LY75: variants seen among roughly 807,000 people sequenced by gnomAD.
LY75 encodes the protein C-type lectin domain family 13 member B.
In LY75, 185 loss-of-function variants were observed where a neutral mutation model predicts 231.7. The ratio of observed to expected loss-of-function variants is 0.80; its 90% confidence interval spans 0.71 to 0.90. The LOEUF is 0.90. Ranked by LOEUF, LY75 falls within the 40% of genes least tolerant of loss-of-function variation. The pLI is 0.00. For missense variants in LY75, 1,947 were observed against 2,050.2 expected (o/e 0.95, Z 0.97); for synonymous variants, 668 against 689.0 (o/e 0.97, Z 0.48).
Position 159,882,054 on chromosome 2 carries a change from A to G in LY75, c.1246+70T>C, listed in dbSNP as rs567093433. On this transcript the variant is annotated intron_variant, in intron 7 of 34. Coordinates refer to ENST00000263636, the MANE Select transcript of LY75 (RefSeq NM_002349.4). ...CAAACTGTAAGCTTTTCATTCCCAC[A>G]AAGAGTCTAAAACCAGGGATACTTT... The G allele has an allele frequency of 1.4e-5, 22 of 1,521,888 alleles. No homozygotes were observed. In the South Asian group the frequency reaches 2.5e-4, roughly 17 times the overall value. 94.3% of individuals were successfully genotyped at this position (1,521,888 alleles called of 1,614,324 possible).
intron 34 of LY75, 140 bp downstream of exon 34, chr2:159,806,833 T>G: frequency 9.8e-7 from 1 of 1,018,378 alleles, no homozygotes; most frequent in Non-Finnish European, 1.3e-6. Context: ...GAAATCTCTA[T>G]GACTTAATCA....
intron 28 of LY75, among the ~76,000 whole-genome samples, chr2:159,820,535 G>C (rs554382067): frequency 6.6e-6 from 1 of 152,182 alleles, no homozygotes; most frequent in Non-Finnish European, 1.5e-5. Flanking sequence ...TCGGGGGGAA[G>C]AGTGGGAGGG....
intron 28 of LY75, 94 bp from the exon 29 acceptor site, chr2:159,820,014 CTT>C: frequency 7.9e-7 from 1 of 1,265,332 alleles, no homozygotes; most frequent in Non-Finnish European, 1.1e-6. Flanking sequence ...CTAATTTTCT[CTT>C]TTCCCAACCT....
intron 10 of LY75, 56 bp downstream of exon 10, chr2:159,878,577 T>C: frequency 6.2e-7 from 1 of 1,612,728 alleles, no homozygotes; most frequent in Non-Finnish European, 8.5e-7. Context: ...GAAGACTGTT[T>C]GGCAAAAGAA....
chr2:159,880,736 G>A (rs1231746163), intron 8 of LY75, among the ~76,000 whole-genome samples: 2 of 152,188 alleles, frequency 1.3e-5, no homozygotes, highest in Non-Finnish European at 2.9e-5. Context: ...TTCCACAGAG[G>A]GTGGGGAAGA....
At chr2:159,898,562 G>A in intron 2 of LY75, 126 bp downstream of exon 2, 2 of 1,440,708 alleles carry the variant, frequency 1.4e-6, no homozygotes, top group Admixed American at 2.3e-5. Context: ...CACAGTGCCT[G>A]GAAGTGAAGA....
rs2125831559 is a variant in LY75 at position 159,817,007 on chromosome 2, A to G, written c.4179T>C (p.Thr1393=). Residue 1393 remains threonine, a synonymous_variant, in exon 30 of 35, where the codon ACT becomes ACC. Transcript: ENST00000263636. ...EMVDYKEEYN[T]TLPQFMPYED... The stretch of plus-strand genomic sequence containing the variant: ...CATATGGCATAAACTGTGGCAGTGT[A>G]GTATTATATTCTTCTTTGTAGTCAA... 2 of 1,613,436 alleles carry G rather than the reference A, an allele frequency of 1.2e-6. No homozygotes were observed. The highest frequency in any genetic ancestry group is 1.7e-6 in the Non-Finnish European group (2 of 1,179,668).
At chr2:159,840,590 C>T (rs1460194686) in intron 25 of LY75, 139 bp downstream of exon 25, 1 of 1,337,832 alleles carries the variant, frequency 7.5e-7, no homozygotes, top group Non-Finnish European at 1.0e-6. Flanking sequence ...ATTTAAAAAC[C>T]CCGACATATT....
At chr2:159,851,473 C>T (rs994196682) in intron 21 of LY75, among the ~76,000 whole-genome samples, 1 of 152,134 alleles carries the variant, frequency 6.6e-6, no homozygotes, top group African/African-American at 2.4e-5. Flanking sequence ...AATTTAAGCT[C>T]GGAAGCCTTA....
At chr2:159,852,057 G>T in intron 21 of LY75, 144 bp downstream of exon 21, 1 of 1,214,190 alleles carries the variant, frequency 8.2e-7, no homozygotes, top group African/African-American at 1.5e-5. Context: ...ACGGTTTCTG[G>T]CAACACAGAG....
At chr2:159,841,974 G>A (rs1257579590) in intron 24 of LY75, among the ~76,000 whole-genome samples, 1 of 151,910 alleles carries the variant, frequency 6.6e-6, no homozygotes, top group African/African-American at 2.4e-5. Context: ...TATGGATTTA[G>A]CCATGCTGAA....
At chr2:159,854,862 G>T in intron 17 of LY75, 42 bp downstream of exon 17, 1 of 1,610,510 alleles carries the variant, frequency 6.2e-7, no homozygotes, top group South Asian at 1.1e-5. Context: ...TTAGTGACAA[G>T]GTAAAAGCAG....
chr2:159,882,307 T>G lies in LY75; in HGVS notation c.1063A>C (p.Thr355Pro). Residue 355 changes from threonine (T) to proline (P), a missense_variant, in exon 7 of 35, where the codon ACA becomes CCA. Physicochemically the swap from Thr to Pro is conservative, Grantham distance 38 (BLOSUM62 -1). Transcript: ENST00000263636. ...NNTVELTDVWTYSDTRCDAGW... is the reference protein window; with the variant it reads ...NNTVELTDVWPYSDTRCDAGW... ...GCATCACAGCGGGTATCTGAGTATGTCCAGACATCTGGGGGAAAAGCAGCT... is the reference window on the plus strand; with the variant it reads ...GCATCACAGCGGGTATCTGAGTATGGCCAGACATCTGGGGGAAAAGCAGCT... 6.2e-7 allele frequency: 1 copy of G among 1,613,298 alleles called. No individual in the cohort carries two copies. Among genetic ancestry groups the G allele is most frequent in the Middle Eastern group, 1.7e-4 (1 of 6,044 alleles).
chr2:159,872,827 G>A (rs1258013389), intron 12 of LY75, among the ~76,000 whole-genome samples: 1 of 152,120 alleles, frequency 6.6e-6, no homozygotes, highest in Non-Finnish European at 1.5e-5. Flanking sequence ...GCCTTCCTCA[G>A]CCAGGCTGGG....
chr2:159,878,407 T>G lies in LY75; in HGVS notation c.1691A>C (p.Asp564Ala). The G allele has an allele frequency of 6.2e-7, 1 of 1,614,158 alleles. No homozygotes were observed. Among genetic ancestry groups the G allele is most frequent in the Non-Finnish European group, 8.5e-7 (1 of 1,180,014 alleles). The part of the protein sequence containing the change: ...KYFWTGLRDV[D>A]SCGEYNWATV... ...TGCCCAGTTATACTCTCCACAAGAATCTACATCTCTCAGGCCAGTCCAGAA... is the reference window on the plus strand; with the variant it reads ...TGCCCAGTTATACTCTCCACAAGAAGCTACATCTCTCAGGCCAGTCCAGAA... The change falls in exon 11 of 35, where the codon GAT becomes GCT. Residue 564 changes from aspartate (D) to alanine (A), a missense_variant. By Grantham distance (126) the Asp-to-Ala change is moderately radical (BLOSUM62 -2). Transcript: ENST00000263636.
chr2:159,902,458 T>G (rs1686108923), intron 1 of LY75: 1 of 152,236 alleles, frequency 6.6e-6, no homozygotes, highest in African/African-American at 2.4e-5. Context: ...CACTAAATAA[T>G]TCCTGCCTTT....
At chr2:159,820,471 G>A (rs1251165226) in intron 28 of LY75, among the ~76,000 whole-genome samples, 1 of 152,222 alleles carries the variant, frequency 6.6e-6, no homozygotes, top group African/African-American at 2.4e-5. Context: ...CACCAAGTGG[G>A]AGCTAAGCTA....
chr2:159,894,761 G>A (rs1288049571), intron 2 of LY75, among the ~76,000 whole-genome samples: 1 of 152,190 alleles, frequency 6.6e-6, no homozygotes, highest in African/African-American at 2.4e-5. Flanking sequence ...CCGGCGGGGG[G>A]CCAGTGAGGT....
intron 16 of LY75, among the ~76,000 whole-genome samples, chr2:159,857,678 G>T (rs1489730042): frequency 2.0e-5 from 3 of 152,182 alleles, no homozygotes; most frequent in Non-Finnish European, 2.9e-5. Context: ...GGAGGCAGAG[G>T]CTGCAGTGAG....
Sources: allele counts gnomAD v4.1 joint callset (sites outside exome capture counted in the v4.1 genomes callset), GRCh38; gene constraint gnomAD v4.1.1; transcripts MANE v1.5; gene names NCBI Gene and HGNC (gene_info 2026-07-23, HGNC 2026-07-21).